HHLA1: variants seen among roughly 807,000 people sequenced by gnomAD.
HHLA1 encodes HHLA1 neighbor of OC90.
In HHLA1, 72 loss-of-function variants were observed where a neutral mutation model predicts 69.9. The ratio of observed to expected loss-of-function variants is 1.03; its 90% confidence interval spans 0.85 to 1.25. The LOEUF (loss-of-function observed/expected upper bound fraction) is 1.25, where lower values mean the gene tolerates loss of function less well. Ranked by LOEUF, HHLA1 falls within the 50% of genes most tolerant of loss-of-function variation. The pLI, the probability that HHLA1 is intolerant of heterozygous loss-of-function variation, is 0.00. For missense variants in HHLA1, 685 were observed against 642.2 expected, an observed-to-expected ratio of 1.07 and a Z score of -0.72; for synonymous variants, 252 against 233.2, an observed-to-expected ratio of 1.08 and a Z score of -0.73.
intron 15 of HHLA1, 114 bp downstream of exon 15, chr8:132,071,226 C>T (rs1823535389): frequency 3.5e-6 from 3 of 857,554 alleles, no homozygotes; most frequent in East Asian, 2.7e-5. Context: ...GTAACCCCTA[C>T]TGCCTGTCTG....
rs1361778511 is a variant in HHLA1, at chr8:132,084,596, C to G, written c.676+3057G>C. ...CTGTCGAGTTTGTACTGGGGTCAAG[C>G]GGCATTGCAGAAGAAAATAAGGCAT... is the stretch of plus-strand genomic sequence containing the variant. On this transcript the variant is annotated intron_variant, in intron 10 of 16. Coordinates refer to ENST00000414222, the MANE Select transcript of HHLA1 (RefSeq NM_001145095.3). Among the ~76,000 whole-genome samples the G allele has an allele frequency of 3.3e-5, 5 of 152,038 alleles. No homozygotes were observed. In the South Asian group the frequency reaches 6.2e-4, roughly 19 times the overall value.
chr8:132,087,003 A>T (rs1823875313), intron 10 of HHLA1, among the ~76,000 whole-genome samples: 1 of 152,238 alleles, frequency 6.6e-6, no homozygotes, highest in Non-Finnish European at 1.5e-5. Flanking sequence ...CACACATAGA[A>T]ATGTCAACTG....
rs1823354478 is a variant in HHLA1, at chr8:132,061,650, G to T, written c.*2345C>A. ...GAGTTCCAGATCAGTAGCACCCCCT[G>T]AGGCTTTCTTATTGCCCTAGCTATC... is the stretch of plus-strand genomic sequence containing the variant. On this transcript the variant is annotated 3_prime_UTR_variant, in exon 17 of 17. Coordinates refer to ENST00000414222, the MANE Select transcript of HHLA1 (RefSeq NM_001145095.3). 1 of 152,144 alleles carries T rather than the reference G, an allele frequency of 6.6e-6. No individual in the cohort carries two copies. Among genetic ancestry groups the T allele is most frequent in the Admixed American group, 6.6e-5 (1 of 15,260 alleles). 9.4% of individuals were successfully genotyped at this position (152,144 alleles called of 1,614,324 possible).
Position 132,065,975 on chromosome 8 carries a change from A to T in HHLA1, c.1470-7T>A, listed in dbSNP as rs764941048. 4.8e-6 allele frequency: 6 copies of T among 1,249,774 alleles called. No homozygotes were observed. The South Asian group carries it at 5.0e-5, about 10-fold the overall frequency. 77.4% of individuals were successfully genotyped at this position (1,249,774 alleles called of 1,614,324 possible). Reference sequence around the variant, plus strand: ...ATAGTATTCAAGACAGTATCTAAAGATTTAAATCAGAGCAGGGAGCAATAA... The same window carrying T: ...ATAGTATTCAAGACAGTATCTAAAGTTTTAAATCAGAGCAGGGAGCAATAA... On this transcript the variant is annotated splice_polypyrimidine_tract_variant and splice_region_variant and intron_variant, in intron 15 of 16. Coordinates refer to ENST00000414222, the MANE Select transcript of HHLA1 (RefSeq NM_001145095.3).
intron 8 of HHLA1, among the ~76,000 whole-genome samples, chr8:132,088,108 A>G (rs1180716584): frequency 2.6e-5 from 4 of 152,288 alleles, no homozygotes; most frequent in Middle Eastern, 3.4e-3. Flanking sequence ...GCTAAGGCAG[A>G]GTCTCTGAGG....
intron 7 of HHLA1, among the ~76,000 whole-genome samples, chr8:132,089,909 C>A (rs545229356): frequency 1.3e-5 from 2 of 152,132 alleles, no homozygotes; most frequent in African/African-American, 4.8e-5. Context: ...GTCTTTCTGG[C>A]GGCTTTTCCC....
At chr8:132,091,245 G>A (rs996565120) in intron 7 of HHLA1, among the ~76,000 whole-genome samples, 6 of 152,220 alleles carry the variant, frequency 3.9e-5, no homozygotes, top group African/African-American at 1.4e-4. Context: ...TAGTGGTGAA[G>A]CAAGATTCAT....
chr8:132,076,178 A>C (rs1401542451), intron 13 of HHLA1, 49 bp from the exon 14 acceptor site: 1 of 1,293,892 alleles, frequency 7.7e-7, no homozygotes, highest in Non-Finnish European at 1.1e-6. Flanking sequence ...GAATTACCTT[A>C]GGTGATACAC....
intron 15 of HHLA1, among the ~76,000 whole-genome samples, chr8:132,066,288 C>T (rs1225259716): frequency 1.3e-5 from 2 of 152,140 alleles, no homozygotes; most frequent in African/African-American, 2.4e-5. Context: ...ATAATGGAAC[C>T]TATACTCGCA....
chr8:132,087,641 G>T lies in HHLA1; in HGVS notation c.676+12C>A, dbSNP rs1823884912. 1 of 1,536,260 alleles carries T rather than the reference G, an allele frequency of 6.5e-7. No individual in the cohort carries two copies. Among genetic ancestry groups the T allele is most frequent in the Non-Finnish European group, 8.8e-7 (1 of 1,132,996 alleles). ...AGAGTCTATGGGAGGAGTTTGGGAG[G>T]TTGGTACTCACCCAGAACACCAGAC... On this transcript the variant is annotated intron_variant, in intron 10 of 16. Coordinates refer to ENST00000414222, the MANE Select transcript of HHLA1 (RefSeq NM_001145095.3).
intron 10 of HHLA1, chr8:132,080,216 G>A (rs1345594273): frequency 3.4e-6 from 2 of 591,520 alleles, no homozygotes; most frequent in Non-Finnish European, 6.3e-6. Flanking sequence ...TCCTCCATAT[G>A]CCTTATGGAT....
At chr8:132,100,765 G>C (rs556038737) in intron 3 of HHLA1, among the ~76,000 whole-genome samples, 1 of 152,214 alleles carries the variant, frequency 6.6e-6, no homozygotes, top group Non-Finnish European at 1.5e-5. Flanking sequence ...CGTGACAAGA[G>C]AGGAGTGTCA....
At chr8:132,091,341 A>G (rs1169466398) in intron 7 of HHLA1, among the ~76,000 whole-genome samples, 1 of 152,156 alleles carries the variant, frequency 6.6e-6, no homozygotes, top group East Asian at 1.9e-4. Context: ...CACACAAAAC[A>G]TGGAGTCCAG....
chr8:132,095,746 G>A lies in HHLA1; in HGVS notation c.321C>T (p.Tyr107=). 1.3e-6 allele frequency: 2 copies of A among 1,551,354 alleles called. No individual in the cohort carries two copies. The highest frequency in any genetic ancestry group is 1.4e-5 in the African/African-American group (1 of 73,148). ...AAAACTTGTGGAAGGCGAAGGAACT[G>A]TAGGAAGTGACACTCAGCAAGGAGA... The part of the protein sequence containing the change: ...KFFSLLSVTS[Y]SSFAFHKFSV... The change falls in exon 6 of 17, where the codon TAC becomes TAT. Residue 107 remains tyrosine (Y), a synonymous_variant. Coordinates refer to ENST00000414222, the MANE Select transcript of HHLA1 (RefSeq NM_001145095.3).
At chr8:132,094,754 C>G (rs930196843) in intron 7 of HHLA1, among the ~76,000 whole-genome samples, 2 of 152,128 alleles carry the variant, frequency 1.3e-5, no homozygotes, top group Non-Finnish European at 2.9e-5. Flanking sequence ...CCCTGCTCCC[C>G]GCTAGGAATC....
chr8:132,076,971 C>T (rs552440001), intron 12 of HHLA1, among the ~76,000 whole-genome samples: 49 of 152,228 alleles, frequency 3.2e-4, no homozygotes, highest in African/African-American at 1.1e-3. Context: ...TGACAGAGTA[C>T]GGGCTCAGTT....
At chr8:132,073,752 A>G (rs545207153) in intron 14 of HHLA1, among the ~76,000 whole-genome samples, 1 of 152,240 alleles carries the variant, frequency 6.6e-6, no homozygotes, top group South Asian at 2.1e-4. Context: ...GACACTTGGG[A>G]TATTCACTTA....
chr8:132,104,605 C>A (rs1016148642), intron 2 of HHLA1, among the ~76,000 whole-genome samples: 25 of 152,128 alleles, frequency 1.6e-4, no homozygotes, highest in African/African-American at 6.0e-4. Context: ...CAGAACAGCA[C>A]AAGCCCAGTG....
At chr8:132,080,875 G>A (rs1823740634) in intron 10 of HHLA1, 1 of 151,980 alleles carries the variant, frequency 6.6e-6, no homozygotes, top group African/African-American at 2.4e-5. Flanking sequence ...TGTGGTAAGG[G>A]GTGATATTGT....
Sources: allele counts gnomAD v4.1 joint callset (sites outside exome capture counted in the v4.1 genomes callset), GRCh38; gene constraint gnomAD v4.1.1; transcripts MANE v1.5; gene names NCBI Gene and HGNC (gene_info 2026-07-23, HGNC 2026-07-21).